CACNA2D3: variants seen among roughly 807,000 people sequenced by gnomAD.
CACNA2D3 encodes the protein voltage-dependent calcium channel subunit alpha-2/delta-3.
A neutral mutation model predicts 160.6 loss-of-function variants in CACNA2D3; 60 were observed. The ratio of observed to expected loss-of-function variants is 0.37; its 90% CI spans 0.30 to 0.46. The LOEUF (loss-of-function observed/expected upper bound fraction) is 0.46, where lower values mean the gene tolerates loss of function less well. CACNA2D3 is among the 20% of genes least tolerant of loss of function. The pLI, the probability that CACNA2D3 is intolerant of heterozygous loss-of-function variation, is 1.00. For synonymous variants in CACNA2D3, 558 were observed against 492.9 expected, an observed-to-expected ratio of 1.13 and a Z score of -1.75; for missense variants, 1,205 against 1,365.0, an observed-to-expected ratio of 0.88 and a Z score of 1.85.
Position 54,969,672 on chromosome 3 carries a change from T to C in CACNA2D3, c.2512-128T>C, listed in dbSNP as rs1702229225. On this transcript the variant is annotated intron_variant, in intron 28 of 37. Coordinates refer to ENST00000474759, the MANE Select transcript of CACNA2D3 (RefSeq NM_018398.3). ...CATGGAGCATTCCTTTTCAATGAAATTGGGTATTTGAATTCTAGCCCATGA... is the reference window on the plus strand; with the variant it reads ...CATGGAGCATTCCTTTTCAATGAAACTGGGTATTTGAATTCTAGCCCATGA... 6.0e-6 allele frequency: 4 copies of C among 662,258 alleles called. No individual in the cohort carries two copies. The African/African-American group carries it at 7.3e-5, about 12-fold the overall frequency. 41.0% of individuals were successfully genotyped at this position (662,258 alleles called of 1,614,324 possible). A position where few individuals can be genotyped will look rare whatever the true frequency, so the allele number is the denominator to read the frequency against.
At chr3:54,430,430 C>T (rs1313504579) in intron 4 of CACNA2D3, among the ~76,000 whole-genome samples, 1 of 152,162 alleles carries the variant, frequency 6.6e-6, no homozygotes, top group Non-Finnish European at 1.5e-5. Context: ...GAAGATTGCC[C>T]ATGGATTATT....
chr3:54,524,252 T>G (rs1701690749), intron 5 of CACNA2D3, among the ~76,000 whole-genome samples: 2 of 152,196 alleles, frequency 1.3e-5, no homozygotes, highest in South Asian at 4.1e-4. Flanking sequence ...TGATTTCTTC[T>G]TTGATGCACT....
chr3:55,034,860 T>A (rs1703777377), intron 35 of CACNA2D3, among the ~76,000 whole-genome samples: 1 of 152,170 alleles, frequency 6.6e-6, no homozygotes, highest in African/African-American at 2.4e-5. Flanking sequence ...AAACTCTGTG[T>A]ATTTATGTAG....
intron 27 of CACNA2D3, among the ~76,000 whole-genome samples, chr3:54,905,404 A>T (rs1294816177): frequency 6.6e-6 from 1 of 152,194 alleles, no homozygotes. Context: ...TTAGGTGAAT[A>T]ATGCTGGCAA....
intron 27 of CACNA2D3, among the ~76,000 whole-genome samples, chr3:54,941,240 A>G (rs1392591126): frequency 2.6e-5 from 4 of 152,214 alleles, no homozygotes; most frequent in Admixed American, 6.5e-5. Context: ...GTAAAAAAAC[A>G]GGGGCATATA....
chr3:54,879,030 A>G lies in CACNA2D3; in HGVS notation c.1723A>G (p.Met575Val), dbSNP rs1280421337. The G allele has an allele frequency of 1.2e-6, 2 of 1,603,304 alleles. No individual in the cohort carries two copies. The highest frequency in any genetic ancestry group is 1.7e-6 in the Non-Finnish European group (2 of 1,174,598). ...EDRDDVLRNA[M>V]VNRKTGKFSM... ...TTTATCATTTTAGTTGAGAAATGCT[A>G]TGGTGAATCGAAAGACGGGGAAGTT... Residue 575 changes from methionine to valine, a missense_variant, in exon 19 of 38, where the codon ATG (methionine) becomes GTG (valine). Physicochemically the swap from Met to Val is conservative, Grantham distance 21. Coordinates refer to ENST00000474759, the MANE Select transcript of CACNA2D3 (RefSeq NM_018398.3).
intron 5 of CACNA2D3, among the ~76,000 whole-genome samples, chr3:54,554,410 C>T (rs769089481): frequency 3.9e-5 from 6 of 152,126 alleles, no homozygotes; most frequent in Non-Finnish European, 5.9e-5. Flanking sequence ...TGAATGAAAG[C>T]GTCATCACAG....
At chr3:54,653,229 G>A (rs1440033206) in intron 11 of CACNA2D3, among the ~76,000 whole-genome samples, 2 of 152,192 alleles carry the variant, frequency 1.3e-5, no homozygotes, top group African/African-American at 4.8e-5. Context: ...TGATTAAAAA[G>A]GGTGGGGAGT....
At chr3:54,307,959 A>G (rs1703649559) in intron 2 of CACNA2D3, among the ~76,000 whole-genome samples, 1 of 152,264 alleles carries the variant, frequency 6.6e-6, no homozygotes, top group Non-Finnish European at 1.5e-5. Context: ...AGAATTGTTT[A>G]TAATGTATTC....
chr3:54,181,949 G>T (rs9846854), intron 2 of CACNA2D3, among the ~76,000 whole-genome samples: 1,598 of 152,160 alleles, frequency 0.011, 25 homozygotes, highest in African/African-American at 0.037. Flanking sequence ...ATTTATAATG[G>T]TTTGAAGCAA....
intron 29 of CACNA2D3, among the ~76,000 whole-genome samples, chr3:54,973,422 T>C (rs1157503714): frequency 2.0e-5 from 3 of 152,134 alleles, no homozygotes; most frequent in East Asian, 1.9e-4. Flanking sequence ...TACTGAGGCA[T>C]TGGAAGAGGT....
intron 2 of CACNA2D3, among the ~76,000 whole-genome samples, chr3:54,191,160 G>C (rs896471941): frequency 4.0e-5 from 6 of 151,862 alleles, no homozygotes; most frequent in East Asian, 3.9e-4. Context: ...ACACATTCCT[G>C]CTCCGGGGAA....
At chr3:54,497,242 T>C (rs979536747) in intron 4 of CACNA2D3, among the ~76,000 whole-genome samples, 2 of 151,256 alleles carry the variant, frequency 1.3e-5, no homozygotes, top group South Asian at 4.2e-4. Context: ...TTGAGCAAGC[T>C]ATCTCTCTCC....
intron 2 of CACNA2D3, among the ~76,000 whole-genome samples, chr3:54,187,235 T>C (rs1700893966): frequency 6.6e-6 from 1 of 152,202 alleles, no homozygotes; most frequent in Admixed American, 6.5e-5. Context: ...TCTGGAGGGA[T>C]TGATAGGCCT....
At chr3:54,149,058 C>T (rs73844318) in intron 2 of CACNA2D3, among the ~76,000 whole-genome samples, 4,470 of 151,002 alleles carry the variant, frequency 0.03, 230 homozygotes, top group African/African-American at 0.1. Flanking sequence ...CTGAGGGGAG[C>T]GAGACAGTCC....
chr3:54,868,612 G>A (rs1022190875), intron 17 of CACNA2D3, among the ~76,000 whole-genome samples: 5 of 152,080 alleles, frequency 3.3e-5, no homozygotes, highest in African/African-American at 1.2e-4. Flanking sequence ...AAATGACTTG[G>A]GTTCTTTAGC....
chr3:54,357,160 G>A (rs1037764349), intron 3 of CACNA2D3, among the ~76,000 whole-genome samples: 1 of 152,092 alleles, frequency 6.6e-6, no homozygotes, highest in Non-Finnish European at 1.5e-5. Context: ...CATCTTGTTC[G>A]CCACTCTGTT....
intron 5 of CACNA2D3, among the ~76,000 whole-genome samples, chr3:54,514,292 G>A (rs1701508348): frequency 6.6e-6 from 1 of 152,194 alleles, no homozygotes; most frequent in Non-Finnish European, 1.5e-5. Context: ...TCTAAGAGAA[G>A]TGAGTAAGGA....
chr3:54,781,777 T>C (rs182190540), intron 13 of CACNA2D3, among the ~76,000 whole-genome samples: 24 of 152,358 alleles, frequency 1.6e-4, no homozygotes, highest in Admixed American at 1.2e-3. Context: ...GCCAACTGTT[T>C]TAAAGCTCAA....
Sources: allele counts gnomAD v4.1 joint callset (sites outside exome capture counted in the v4.1 genomes callset), GRCh38; gene constraint gnomAD v4.1.1; transcripts MANE v1.5; gene names NCBI Gene and HGNC (gene_info 2026-07-23, HGNC 2026-07-21).